CHST11: variants seen among roughly 807,000 people sequenced by gnomAD.
The protein encoded by CHST11 is C4S-1.
A neutral mutation model predicts 30.4 loss-of-function variants in CHST11; 9 were observed. That is an observed-to-expected ratio of 0.30 (90% CI 0.18 to 0.52). The LOEUF (loss-of-function observed/expected upper bound fraction) is 0.52. CHST11 is among the 20% of genes least tolerant of loss of function. The pLI, the probability that CHST11 is intolerant of heterozygous loss-of-function variation, is 0.97. For missense variants in CHST11, 348 were observed against 460.6 expected, an observed-to-expected ratio of 0.76 and a Z score of 2.24; for synonymous variants, 152 against 187.8, an observed-to-expected ratio of 0.81 and a Z score of 1.56.
intron 2 of CHST11, among the ~76,000 whole-genome samples, chr12:104,605,047 T>C (rs1317506115): frequency 6.7e-6 from 1 of 150,298 alleles, no homozygotes; most frequent in Non-Finnish European, 1.5e-5. Flanking sequence ...AGAGTGAAAT[T>C]CAACCCAAAA....
chr12:104,707,419 G>T (rs138004831), intron 2 of CHST11, among the ~76,000 whole-genome samples: 1 of 152,210 alleles, frequency 6.6e-6, no homozygotes, highest in East Asian at 1.9e-4. Flanking sequence ...AAAAAATAGC[G>T]CACACTACAC....
At chr12:104,609,472 T>C (rs1241062443) in intron 2 of CHST11, among the ~76,000 whole-genome samples, 2 of 152,202 alleles carry the variant, frequency 1.3e-5, no homozygotes, top group Non-Finnish European at 2.9e-5. Flanking sequence ...GTGGATTCAT[T>C]ATTCTTGAAC....
intron 2 of CHST11, among the ~76,000 whole-genome samples, chr12:104,736,212 T>C (rs1256211299): frequency 6.6e-6 from 1 of 152,086 alleles, no homozygotes; most frequent in Non-Finnish European, 1.5e-5. Context: ...CCCTGCAAGA[T>C]ACCATCCCTG....
chr12:104,458,370 G>T lies in CHST11; in HGVS notation c.118+841G>T, dbSNP rs970069453. ...GGGATCCGAGCAACGGGAATCCCCC[G>T]GGCGGCGTGGGAATGAACCCCATTC... On this transcript the variant is annotated intron_variant, in intron 1 of 2. Coordinates refer to ENST00000303694, the MANE Select transcript of CHST11 (RefSeq NM_018413.6). This position sits in a 1 kb window ranked among gnomAD's most constrained non-coding sequence, Gnocchi z 5.7. Among the ~76,000 whole-genome samples the T allele has an allele frequency of 1.3e-5, 2 of 152,206 alleles. No individual in the cohort carries two copies. The highest frequency in any genetic ancestry group is 2.9e-5 in the Non-Finnish European group (2 of 68,028).
At chr12:104,565,258 ATTTTTTTTTTT>A (rs66825272) in intron 1 of CHST11, among the ~76,000 whole-genome samples, 5 of 72,916 alleles carry the variant, frequency 6.9e-5, no homozygotes, top group Non-Finnish European at 9.9e-5. Context: ...GTTTTCTAGG[ATTTTTTTTTTT>A]TTTTTTTTTT....
chr12:104,670,032 CCT>C (rs1380617065), intron 2 of CHST11, among the ~76,000 whole-genome samples: 3 of 152,250 alleles, frequency 2.0e-5, no homozygotes. Context: ...TCCCTTTTCC[CCT>C]CTCGCTTTCC....
chr12:104,614,887 T>C (rs1284134043), intron 2 of CHST11, among the ~76,000 whole-genome samples: 2 of 152,096 alleles, frequency 1.3e-5, no homozygotes, highest in African/African-American at 4.8e-5. Context: ...TGAAGCTTTG[T>C]CCCTCCTGGG....
At chr12:104,574,327 G>C (rs1311146086) in intron 1 of CHST11, among the ~76,000 whole-genome samples, 4 of 152,194 alleles carry the variant, frequency 2.6e-5, no homozygotes, top group Non-Finnish European at 5.9e-5. Flanking sequence ...TCTAGAACTA[G>C]AAATACCATT....
chr12:104,642,043 C>T (rs1171473200), intron 2 of CHST11, among the ~76,000 whole-genome samples: 3 of 152,160 alleles, frequency 2.0e-5, no homozygotes, highest in Non-Finnish European at 2.9e-5. Flanking sequence ...TCCTATGGTG[C>T]ACAGGACAAT....
At position 104,653,467 on chromosome 12, in the gene CHST11, C is replaced by G. The variant is rs189172705; in HGVS notation, c.204+51476C>G. 2.2e-3 allele frequency among the ~76,000 whole-genome samples: 328 copies of G among 152,324 alleles called. 1 individual carries two copies. Among genetic ancestry groups the G allele is most frequent in the African/African-American group, 7.5e-3 (312 of 41,568 alleles). On this transcript the variant is annotated intron_variant, in intron 2 of 2. Transcript: ENST00000303694. ...TACTGAGTACCTACTGCGTGGTAGA[C>G]AGTACCCCATTATCTTAGTGCTAAA... is the stretch of plus-strand genomic sequence containing the variant.
intron 1 of CHST11, among the ~76,000 whole-genome samples, chr12:104,581,472 G>A (rs2038743454): frequency 6.6e-6 from 1 of 152,140 alleles, no homozygotes; most frequent in South Asian, 2.1e-4. Context: ...ACAACTTCTT[G>A]TAGTTTTTCA....
intron 2 of CHST11, among the ~76,000 whole-genome samples, chr12:104,695,422 G>A (rs958616129): frequency 4.7e-5 from 7 of 150,080 alleles, no homozygotes; most frequent in Non-Finnish European, 8.9e-5. Flanking sequence ...GAAAACTCAT[G>A]AAAACACAAT....
intron 2 of CHST11, among the ~76,000 whole-genome samples, chr12:104,626,923 T>C (rs905260471): frequency 5.3e-5 from 8 of 152,156 alleles, no homozygotes; most frequent in Non-Finnish European, 5.9e-5. Flanking sequence ...TTCTACAGGT[T>C]TGGACATGTA....
chr12:104,458,695 C>G lies in CHST11; in HGVS notation c.118+1166C>G, dbSNP rs1032930111. Among the ~76,000 whole-genome samples, 1 of 152,276 alleles carries G rather than the reference C, an allele frequency of 6.6e-6. No individual in the cohort carries two copies. Among genetic ancestry groups the G allele is most frequent in the Non-Finnish European group, 1.5e-5 (1 of 68,048 alleles). ...TTGGCTCAGAAATCCATTTTCTACG[C>G]CTCCGAGTTGCCTTTCTCAGCGTAG... is the stretch of plus-strand genomic sequence containing the variant. On this transcript the variant is annotated intron_variant, in intron 1 of 2. Coordinates refer to ENST00000303694, the MANE Select transcript of CHST11 (RefSeq NM_018413.6). This position sits in a 1 kb window ranked among gnomAD's most constrained non-coding sequence, Gnocchi z 5.7.
intron 2 of CHST11, among the ~76,000 whole-genome samples, chr12:104,683,651 C>G (rs182838247): frequency 6.6e-6 from 1 of 152,312 alleles, no homozygotes; most frequent in East Asian, 1.9e-4. Context: ...TTTGCCGACA[C>G]CAGATTACCC....
chr12:104,547,617 GT>G, intron 1 of CHST11, among the ~76,000 whole-genome samples: 1 of 152,260 alleles, frequency 6.6e-6, no homozygotes, highest in Admixed American at 6.5e-5. Context: ...ACATTGCATG[GT>G]TTTGCTTCCA....
In CHST11 at chr12:104,729,701, C is replaced by T. The variant is rs1396023944; in HGVS notation, c.205-27248C>T. 2.0e-5 allele frequency among the ~76,000 whole-genome samples: 3 copies of T among 152,244 alleles called. No individual in the cohort carries two copies. The highest frequency in any genetic ancestry group is 2.1e-4 in the South Asian group (1 of 4,818). ...TGAGAAGTGGGTGTGCAGAATCGTACGGTGTGCAGACGGTGGCCTGGTGAA... is the reference window on the plus strand; with the variant it reads ...TGAGAAGTGGGTGTGCAGAATCGTATGGTGTGCAGACGGTGGCCTGGTGAA... On this transcript the variant is annotated intron_variant, in intron 2 of 2. Coordinates refer to ENST00000303694, the MANE Select transcript of CHST11 (RefSeq NM_018413.6). This position sits in a 1 kb window ranked among gnomAD's most constrained non-coding sequence, Gnocchi z 4.0.
chr12:104,541,357 A>G (rs1240753340), intron 1 of CHST11, among the ~76,000 whole-genome samples: 1 of 151,514 alleles, frequency 6.6e-6, no homozygotes, highest in East Asian at 1.9e-4. Flanking sequence ...TTTTGGGGGT[A>G]TTTCTTCTCA....
chr12:104,662,186 G>A (rs2039604331), intron 2 of CHST11, among the ~76,000 whole-genome samples: 1 of 152,222 alleles, frequency 6.6e-6, no homozygotes, highest in South Asian at 2.1e-4. Context: ...AAGCAGGTCA[G>A]CAAGCAAAGG....
Sources: gnomAD v4.1 joint callset for allele counts (sites outside exome capture counted in the v4.1 genomes callset) on GRCh38, gnomAD v4.1.1 for gene constraint, Gnocchi (gnomAD v3.1) non-coding constraint, MANE v1.5 for transcripts, NCBI Gene and HGNC (gene_info 2026-07-23, HGNC 2026-07-21) for gene names.